CENPW: variants seen among roughly 807,000 people sequenced by gnomAD.
The protein encoded by CENPW is centromere protein W, also known as cancer-up-regulated gene 2 protein.
In CENPW, 3 loss-of-function variants were observed where a neutral mutation model predicts 11.1. That is an observed-to-expected ratio of 0.27 (90% CI 0.12 to 0.70). CENPW has a LOEUF of 0.70. Ranked by LOEUF, CENPW falls within the 30% of genes least tolerant of loss-of-function variation. The pLI is 0.77. For synonymous variants in CENPW, 38 were observed against 42.0 expected, an observed-to-expected ratio of 0.91 and a Z score of 0.37; for missense variants, 100 against 105.6, an observed-to-expected ratio of 0.95 and a Z score of 0.23.
At chr6:126,466,847 G>T in the CENPW span, among the ~76,000 whole-genome samples, 1 of 151,928 alleles carries the variant, frequency 6.6e-6, no homozygotes, top group Admixed American at 6.6e-5. Flanking sequence ...ACCAACAAGA[G>T]CCAAACCAAG....
the CENPW span, among the ~76,000 whole-genome samples, chr6:126,363,260 G>A: frequency 6.6e-6 from 1 of 152,160 alleles, no homozygotes; most frequent in African/African-American, 2.4e-5. Flanking sequence ...GCCATAAACT[G>A]GCAGCCCAGG....
the CENPW span, among the ~76,000 whole-genome samples, chr6:126,374,399 G>T: frequency 2.6e-5 from 4 of 152,296 alleles, no homozygotes; most frequent in South Asian, 4.1e-4. Flanking sequence ...TAATTTGGAA[G>T]AATTTTCTGT....
chr6:126,373,299 A>G, the CENPW span, among the ~76,000 whole-genome samples: 1 of 152,226 alleles, frequency 6.6e-6, no homozygotes, highest in Non-Finnish European at 1.5e-5. Flanking sequence ...CATATAAAAC[A>G]TTAAAACACA....
chr6:126,376,254 G>A, the CENPW span, among the ~76,000 whole-genome samples: 4 of 152,158 alleles, frequency 2.6e-5, no homozygotes, highest in African/African-American at 9.7e-5. Flanking sequence ...TAGCCATTCA[G>A]CTCTGCATGC....
the CENPW span, among the ~76,000 whole-genome samples, chr6:126,460,291 G>C: frequency 6.6e-6 from 1 of 151,548 alleles, no homozygotes; most frequent in East Asian, 1.9e-4. Context: ...TTCCTGTCGT[G>C]TACTAATGTA....
chr6:126,415,676 T>G, the CENPW span, among the ~76,000 whole-genome samples: 1 of 152,226 alleles, frequency 6.6e-6, no homozygotes, highest in African/African-American at 2.4e-5. Context: ...GTTCTCATGA[T>G]AGTGAACAAG....
chr6:126,340,890 GTC>G (rs1780293828), intron 1 of CENPW, among the ~76,000 whole-genome samples: 1 of 151,958 alleles, frequency 6.6e-6, no homozygotes, highest in African/African-American at 2.4e-5. Context: ...GGCTCCCTCC[GTC>G]TCTCCTCTAT....
At chr6:126,466,278 A>G in the CENPW span, among the ~76,000 whole-genome samples, 9 of 152,170 alleles carry the variant, frequency 5.9e-5, no homozygotes, top group African/African-American at 2.2e-4. Flanking sequence ...AAGGGAGGTA[A>G]GGCTAAGTAA....
At chr6:126,400,710 G>C in the CENPW span, among the ~76,000 whole-genome samples, 1 of 151,812 alleles carries the variant, frequency 6.6e-6, no homozygotes, top group Non-Finnish European at 1.5e-5. Context: ...TGGATGTTTT[G>C]TTGTTGTTTT....
chr6:126,439,647 T>G, the CENPW span, among the ~76,000 whole-genome samples: 4 of 151,648 alleles, frequency 2.6e-5, no homozygotes, highest in Non-Finnish European at 5.9e-5. Context: ...TGTACCAAAT[T>G]GATTATTTTG....
At chr6:126,377,099 T>A in the CENPW span, among the ~76,000 whole-genome samples, 1 of 152,146 alleles carries the variant, frequency 6.6e-6, no homozygotes, top group African/African-American at 2.4e-5. Context: ...TCTAATGTTG[T>A]GTGGAGAGTA....
At chr6:126,393,799 C>T in the CENPW span, among the ~76,000 whole-genome samples, 1 of 149,802 alleles carries the variant, frequency 6.7e-6, no homozygotes, top group Non-Finnish European at 1.5e-5. Flanking sequence ...ATTATATAGG[C>T]ATATATATAT....
chr6:126,471,956 C>T, the CENPW span, among the ~76,000 whole-genome samples: 3 of 152,098 alleles, frequency 2.0e-5, no homozygotes, highest in African/African-American at 7.2e-5. Context: ...AATCTCTTTG[C>T]TAGGTTTTTC....
the CENPW span, among the ~76,000 whole-genome samples, chr6:126,451,889 A>T: frequency 6.6e-6 from 1 of 151,118 alleles, no homozygotes; most frequent in Non-Finnish European, 1.5e-5. Context: ...ACAAATAGAA[A>T]ATTAATTCCT....
At chr6:126,414,869 A>G in the CENPW span, among the ~76,000 whole-genome samples, 161 of 151,858 alleles carry the variant, frequency 1.1e-3, no homozygotes, top group Middle Eastern at 3.4e-3. Flanking sequence ...ATCTTAGTTT[A>G]GGAAAAAAAG....
At chr6:126,355,097 T>C in the CENPW span, among the ~76,000 whole-genome samples, 7 of 152,262 alleles carry the variant, frequency 4.6e-5, no homozygotes, top group Admixed American at 4.6e-4. Flanking sequence ...AAAACTGTTA[T>C]TGCCATTTTT....
Position 126,340,397 on chromosome 6 carries a change from T to A in CENPW, c.124T>A (p.Leu42Met). Residue 42 changes from leucine to methionine, a missense_variant and splice_region_variant, in exon 1 of 3, where the codon TTG (leucine) becomes ATG (methionine). Coordinates refer to ENST00000368328, the MANE Select transcript of CENPW (RefSeq NM_001012507.4). ...QLRLEKSGDL[L>M]VHLNCLLFVH... is the part of the protein sequence containing the mutation. ...TCGTCTGGAGAAAAGTGGTGACTTATTGGTGAGATTCCATCCCTTCTCGGG... is the reference window on the plus strand; with the variant it reads ...TCGTCTGGAGAAAAGTGGTGACTTAATGGTGAGATTCCATCCCTTCTCGGG... 6.2e-7 allele frequency: 1 copy of A among 1,614,172 alleles called. No homozygotes were observed. The highest frequency in any genetic ancestry group is 8.5e-7 in the Non-Finnish European group (1 of 1,180,044).
chr6:126,479,449 C>A, the CENPW span, among the ~76,000 whole-genome samples: 1 of 151,892 alleles, frequency 6.6e-6, no homozygotes, highest in South Asian at 2.1e-4. Flanking sequence ...ATTCCCCCTC[C>A]CAGCAGTAGA....
chr6:126,457,492 T>C, the CENPW span, among the ~76,000 whole-genome samples: 4 of 151,382 alleles, frequency 2.6e-5, no homozygotes, highest in Non-Finnish European at 5.9e-5. Flanking sequence ...TTCACATTTA[T>C]GAATAGGAGC....
Sources: allele counts gnomAD v4.1 joint callset (sites outside exome capture counted in the v4.1 genomes callset), GRCh38; gene constraint gnomAD v4.1.1; transcripts MANE v1.5; gene names NCBI Gene and HGNC (gene_info 2026-07-23, HGNC 2026-07-21).